The following LYPLAL1 variants were observed in gnomAD, a reference collection of about 807,000 sequenced individuals.
The protein encoded by LYPLAL1 is lysophospholipase like 1.
LYPLAL1 carries 23 observed loss-of-function variants against 19.7 expected under a neutral mutation model. That is an observed-to-expected ratio of 1.17 (90% CI 0.84 to 1.65). LYPLAL1 has a LOEUF of 1.65. LYPLAL1 is among the 40% of genes most tolerant of loss of function. The pLI, the probability that LYPLAL1 is intolerant of heterozygous loss-of-function variation, is 0.00. For missense variants in LYPLAL1, 355 were observed against 279.4 expected, an observed-to-expected ratio of 1.27 and a Z score of -1.93; for synonymous variants, 119 against 96.3, an observed-to-expected ratio of 1.24 and a Z score of -1.38.
At chr1:219,332,906 G>T in the LYPLAL1 span, among the ~76,000 whole-genome samples, 1 of 149,266 alleles carries the variant, frequency 6.7e-6, no homozygotes, top group Non-Finnish European at 1.5e-5. Context: ...GTTTATTCAA[G>T]CTGTTGGCAG....
At chr1:219,253,666 T>G in the LYPLAL1 span, among the ~76,000 whole-genome samples, 5 of 152,242 alleles carry the variant, frequency 3.3e-5, no homozygotes, top group East Asian at 9.6e-4. Context: ...TCAGTTCTTT[T>G]ACATTTGCTG....
the LYPLAL1 span, among the ~76,000 whole-genome samples, chr1:219,335,244 T>C: frequency 1.3e-5 from 2 of 151,994 alleles, no homozygotes; most frequent in African/African-American, 2.4e-5. Context: ...TACTATCCCC[T>C]CCTGTTCACA....
chr1:219,184,229 G>A (rs987627806), intron 2 of LYPLAL1, among the ~76,000 whole-genome samples: 1 of 151,838 alleles, frequency 6.6e-6, no homozygotes, highest in East Asian at 1.9e-4. Flanking sequence ...GTGATTCGGA[G>A]TTTTTAGTGT....
the LYPLAL1 span, among the ~76,000 whole-genome samples, chr1:219,354,683 T>C: frequency 6.6e-6 from 1 of 152,122 alleles, no homozygotes; most frequent in East Asian, 1.9e-4. Flanking sequence ...CTAACAAAGA[T>C]AAGAATGCCT....
chr1:219,267,750 T>C, the LYPLAL1 span, among the ~76,000 whole-genome samples: 1 of 152,216 alleles, frequency 6.6e-6, no homozygotes, highest in Non-Finnish European at 1.5e-5. Context: ...AGTCAGCTGA[T>C]AAATTGCAGA....
the LYPLAL1 span, among the ~76,000 whole-genome samples, chr1:219,280,280 A>AC: frequency 6.6e-6 from 1 of 152,204 alleles, no homozygotes; most frequent in South Asian, 2.1e-4. Flanking sequence ...TATTATATAA[A>AC]GTTTTTTGAT....
At chr1:219,266,339 C>A in the LYPLAL1 span, among the ~76,000 whole-genome samples, 1 of 152,086 alleles carries the variant, frequency 6.6e-6, no homozygotes, top group Non-Finnish European at 1.5e-5. Flanking sequence ...TGGCCTAGGC[C>A]TACAGAGGAT....
At chr1:219,383,104 C>T in the LYPLAL1 span, among the ~76,000 whole-genome samples, 2 of 152,220 alleles carry the variant, frequency 1.3e-5, no homozygotes, top group Non-Finnish European at 2.9e-5. Context: ...CTGCTCACTA[C>T]GTGGTTCCAT....
At chr1:219,318,539 T>A in the LYPLAL1 span, among the ~76,000 whole-genome samples, 3 of 152,202 alleles carry the variant, frequency 2.0e-5, no homozygotes, top group Non-Finnish European at 4.4e-5. Flanking sequence ...CTACCTAGGA[T>A]GTACTTAATA....
the LYPLAL1 span, among the ~76,000 whole-genome samples, chr1:219,383,183 G>A: frequency 1.3e-5 from 2 of 152,146 alleles, no homozygotes; most frequent in Non-Finnish European, 2.9e-5. Context: ...TTGAATTACA[G>A]ATCATTCCCA....
At chr1:219,241,865 G>T in the LYPLAL1 span, among the ~76,000 whole-genome samples, 39 of 152,238 alleles carry the variant, frequency 2.6e-4, no homozygotes, top group Non-Finnish European at 5.4e-4. Context: ...CTTTCAGAGG[G>T]ATGTTAACTG....
chr1:219,363,324 A>G, the LYPLAL1 span, among the ~76,000 whole-genome samples: 37 of 152,142 alleles, frequency 2.4e-4, no homozygotes, highest in Non-Finnish European at 2.8e-4. Context: ...CCTAGTAAAC[A>G]CTAGATTTTG....
chr1:219,400,329 T>A, the LYPLAL1 span, among the ~76,000 whole-genome samples: 1 of 152,088 alleles, frequency 6.6e-6, no homozygotes, highest in Non-Finnish European at 1.5e-5. Flanking sequence ...ATCTCCTTTT[T>A]CATACTACAA....
At chr1:219,238,229 C>T in the LYPLAL1 span, among the ~76,000 whole-genome samples, 1 of 150,476 alleles carries the variant, frequency 6.6e-6, no homozygotes, top group Non-Finnish European at 1.5e-5. Context: ...CCTCCACCTC[C>T]CGGGTTCACG....
the LYPLAL1 span, among the ~76,000 whole-genome samples, chr1:219,249,594 A>G: frequency 1.6e-4 from 24 of 152,164 alleles, no homozygotes; most frequent in African/African-American, 5.8e-4. Flanking sequence ...GCTATACAAT[A>G]AAATATCAAA....
chr1:219,300,805 G>T, the LYPLAL1 span, among the ~76,000 whole-genome samples: 1 of 152,004 alleles, frequency 6.6e-6, no homozygotes, highest in Non-Finnish European at 1.5e-5. Context: ...TAAGTGCTGG[G>T]ATTACAGGAG....
chr1:219,306,849 T>TAGATAGATAGACAGAC, the LYPLAL1 span, among the ~76,000 whole-genome samples: 692 of 135,380 alleles, frequency 5.1e-3, 6 homozygotes, highest in Non-Finnish European at 6.7e-3. Flanking sequence ...GATAGATAGA[T>TAGATAGATAGACAGAC]AGACAGACAG....
At chr1:219,375,216 C>T in the LYPLAL1 span, among the ~76,000 whole-genome samples, 1 of 152,118 alleles carries the variant, frequency 6.6e-6, no homozygotes, top group Admixed American at 6.5e-5. Context: ...TCTGTAATCC[C>T]AGCACTTTGG....
chr1:219,245,099 T>C, the LYPLAL1 span, among the ~76,000 whole-genome samples: 1 of 151,206 alleles, frequency 6.6e-6, no homozygotes, highest in Non-Finnish European at 1.5e-5. Context: ...TTTCTCTTTC[T>C]TTCCCTTCCT....
Sources: allele counts gnomAD v4.1 joint callset (sites outside exome capture counted in the v4.1 genomes callset), GRCh38; gene constraint gnomAD v4.1.1; transcripts MANE v1.5; gene names NCBI Gene and HGNC (gene_info 2026-07-23, HGNC 2026-07-21).